Variants in ZSCAN30 observed in about 807,000 individuals in gnomAD.
ZSCAN30 encodes zinc finger and SCAN domain containing 30, also known as zinc finger and SCAN domain-containing protein 30.
Under a neutral mutation model 44.3 loss-of-function variants are expected in ZSCAN30, and 37 were observed. The ratio of observed to expected loss-of-function variants is 0.84; its 90% CI spans 0.64 to 1.10. ZSCAN30 has a LOEUF of 1.10. ZSCAN30 is among the 50% of genes least tolerant of loss of function. The probability of loss-of-function intolerance (pLI) is 0.00; values close to 1 mark genes in which losing one functional copy is unlikely to be tolerated. For missense variants in ZSCAN30, 549 were observed against 582.6 expected, an observed-to-expected ratio of 0.94 and a Z score of 0.59; for synonymous variants, 181 against 204.6, an observed-to-expected ratio of 0.88 and a Z score of 0.98.
chr18:35,260,618 T>C (rs769476280), intron 3 of ZSCAN30: 2 of 152,216 alleles, frequency 1.3e-5, no homozygotes, highest in African/African-American at 2.4e-5. Flanking sequence ...ATCAGTGATG[T>C]TGAGCTATTT....
intron 1 of ZSCAN30, chr18:35,284,746 G>A (rs1324138771): frequency 6.4e-6 from 1 of 155,044 alleles, no homozygotes; most frequent in African/African-American, 2.4e-5. Context: ...AACCTGGGTG[G>A]CTACAGCTGC....
At chr18:35,278,875 C>G (rs2044409114) in intron 1 of ZSCAN30, among the ~76,000 whole-genome samples, 1 of 152,184 alleles carries the variant, frequency 6.6e-6, no homozygotes, top group African/African-American at 2.4e-5. Context: ...TCTCTAGTTT[C>G]TAATACATGT....
At chr18:35,270,607 G>A (rs934637014) in intron 1 of ZSCAN30, among the ~76,000 whole-genome samples, 12 of 151,912 alleles carry the variant, frequency 7.9e-5, no homozygotes, top group Admixed American at 2.6e-4. Context: ...TTGAGACAGG[G>A]TCTCACTCTC....
Position 35,264,107 on chromosome 18 carries a change from G to T in ZSCAN30, c.246C>A (p.His82Gln). 6.2e-7 allele frequency: 1 copy of T among 1,614,112 alleles called. No individual in the cohort carries two copies. Among genetic ancestry groups the T allele is most frequent in the Non-Finnish European group, 8.5e-7 (1 of 1,179,954 alleles). The change falls in exon 2 of 4, where the codon CAC becomes CAA. Residue 82 changes from histidine to glutamine, a missense_variant. By Grantham distance (24) the His-to-Gln change is conservative (BLOSUM62 0). Coordinates refer to ENST00000333206, the MANE Select transcript of ZSCAN30 (RefSeq NM_001112734.4). ...GCAGCTCCAGGATCTGCTCCTTGGA[G>T]TGCACCTCCGGCCTCAACCACTGAC... ...LCCQWLRPEV[H>Q]SKEQILELLM...
intron 1 of ZSCAN30, among the ~76,000 whole-genome samples, chr18:35,270,740 T>C (rs2044253407): frequency 6.6e-6 from 1 of 152,188 alleles, no homozygotes; most frequent in Non-Finnish European, 1.5e-5. Context: ...GCCACTACTG[T>C]GTCCAGAATT....
At chr18:35,286,513 A>G (rs2044552833) in intron 1 of ZSCAN30, among the ~76,000 whole-genome samples, 1 of 152,168 alleles carries the variant, frequency 6.6e-6, no homozygotes, top group South Asian at 2.1e-4. Flanking sequence ...AAATCACCAT[A>G]TTAACAAACT....
chr18:35,256,242 T>C (rs1011422075), intron 3 of ZSCAN30: 8 of 152,250 alleles, frequency 5.3e-5, no homozygotes, highest in Admixed American at 1.3e-4. Context: ...ACTAGAGTAA[T>C]TCTTAGAAAA....
chr18:35,269,676 C>T (rs1246822803), intron 1 of ZSCAN30: 2 of 152,104 alleles, frequency 1.3e-5, no homozygotes, highest in Non-Finnish European at 2.9e-5. Context: ...GTAAAATTTT[C>T]ATTTCATTGA....
intron 1 of ZSCAN30, among the ~76,000 whole-genome samples, chr18:35,289,054 G>A (rs757145409): frequency 6.6e-6 from 1 of 152,014 alleles, no homozygotes; most frequent in Non-Finnish European, 1.5e-5. Context: ...TGCAACCTCC[G>A]CCTCCTGGGT....
At chr18:35,262,286 G>GTCAGA (rs548561288) in intron 3 of ZSCAN30, 122 of 152,326 alleles carry the variant, frequency 8.0e-4, no homozygotes, top group African/African-American at 2.9e-3. Flanking sequence ...CAGAAGGGTA[G>GTCAGA]TCAGATTTAA....
rs2044345471 is a variant in ZSCAN30 at position 35,274,985 on chromosome 18, A to G, written c.-103-10530T>C. ...ATATTGGGCTTTACTGTCTTTTTTA[A>G]AGATTTCCTTCCCTACTCTGAAGTC... On this transcript the variant is annotated intron_variant, in intron 1 of 3. Transcript: ENST00000333206. 2.0e-5 allele frequency among the ~76,000 whole-genome samples: 3 copies of G among 152,146 alleles called. 1 individual carries two copies. Among genetic ancestry groups the G allele is most frequent in the Non-Finnish European group, 4.4e-5 (3 of 68,028 alleles).
intron 3 of ZSCAN30, among the ~76,000 whole-genome samples, chr18:35,254,772 T>G (rs959052089): frequency 6.6e-6 from 1 of 152,288 alleles, no homozygotes; most frequent in African/African-American, 2.4e-5. Context: ...TAAAGAAAGA[T>G]ATCTAAGAGT....
chr18:35,265,368 A>T (rs1159282119), intron 1 of ZSCAN30, among the ~76,000 whole-genome samples: 1 of 152,176 alleles, frequency 6.6e-6, no homozygotes, highest in African/African-American at 2.4e-5. Context: ...CAATAACACC[A>T]TCAGGTATTA....
chr18:35,265,201 C>T (rs754388951), intron 1 of ZSCAN30, among the ~76,000 whole-genome samples: 1 of 151,960 alleles, frequency 6.6e-6, no homozygotes, highest in East Asian at 1.9e-4. Context: ...CATAAGTTGA[C>T]CAAAGACAGC....
intron 1 of ZSCAN30, chr18:35,269,447 A>C (rs1457690292): frequency 7.6e-6 from 1 of 131,350 alleles, no homozygotes; most frequent in Non-Finnish European, 1.6e-5. Flanking sequence ...GGTCTCAGAC[A>C]TGACAAGCTG....
At chr18:35,289,092 C>G (rs1276839827) in intron 1 of ZSCAN30, among the ~76,000 whole-genome samples, 1 of 152,088 alleles carries the variant, frequency 6.6e-6, no homozygotes, top group South Asian at 2.1e-4. Context: ...TCTCCTGACT[C>G]GGCCTCCCAA....
rs767361860 is a variant in ZSCAN30, at chr18:35,264,369, C to T, written c.-17G>A. The T allele has an allele frequency of 1.9e-6, 3 of 1,601,602 alleles. No homozygotes were observed. Among genetic ancestry groups the T allele is most frequent in the Admixed American group, 1.7e-5 (1 of 58,760 alleles). On this transcript the variant is annotated 5_prime_UTR_variant, in exon 2 of 4. Transcript: ENST00000333206. ...TCCTGACATTCTGGGCAGAGACAGT[C>T]TGAAAAGGCTGCCCAGGTGAGGCAG... is the stretch of plus-strand genomic sequence containing the variant.
chr18:35,280,623 A>C (rs1359119375), intron 1 of ZSCAN30, among the ~76,000 whole-genome samples: 2 of 152,212 alleles, frequency 1.3e-5, no homozygotes, highest in African/African-American at 4.8e-5. Flanking sequence ...TACACTGGCC[A>C]TTATTTTCTT....
chr18:35,266,418 GGGAGATTTGACA>G (rs2044150746), intron 1 of ZSCAN30, among the ~76,000 whole-genome samples: 1 of 152,036 alleles, frequency 6.6e-6, no homozygotes, highest in Admixed American at 6.6e-5. Flanking sequence ...ACAAAAAGAC[GGGAGATTTGACA>G]GGACTTGACA....
Sources: gnomAD v4.1 joint callset for allele counts (sites outside exome capture counted in the v4.1 genomes callset) on GRCh38, gnomAD v4.1.1 for gene constraint, MANE v1.5 for transcripts, NCBI Gene and HGNC (gene_info 2026-07-23, HGNC 2026-07-21) for gene names.